DCDC1: variants seen among roughly 807,000 people sequenced by gnomAD.
The protein encoded by DCDC1 is doublecortin domain containing 1.
A neutral mutation model predicts 178.3 loss-of-function variants in DCDC1; 200 were observed. The observed-to-expected ratio is 1.12, with a 90% confidence interval of 1.00 to 1.26. The LOEUF is 1.26. DCDC1 is among the 50% of genes most tolerant of loss of function. DCDC1 has a pLI of 0.00. For synonymous variants in DCDC1, 690 were observed against 604.8 expected, an observed-to-expected ratio of 1.14 and a Z score of -2.07; for missense variants, 1,983 against 1,749.2, an observed-to-expected ratio of 1.13 and a Z score of -2.38.
rs569451369 is a variant in DCDC1 at position 31,258,437 on chromosome 11, TAAAAG to T, written c.1054+7065_1054+7069del. Among the ~76,000 whole-genome samples the T allele has an allele frequency of 6.0e-3, 913 of 152,024 alleles. 11 individuals carry two copies. The highest frequency in any genetic ancestry group is 0.021 in the African/African-American group (876 of 41,464). On this transcript the variant is annotated intron_variant, in intron 8 of 38. Transcript: ENST00000684477. ...CCAGAAAGCAAAAGGAAAGTATTAA[TAAAAG>T]AAAAGAAGAGACTCAATTGTGGCAA...
At position 30,946,327 on chromosome 11, in the gene DCDC1, C is replaced by T. The variant is rs143892155; in HGVS notation, c.2715+6118G>A. Among the ~76,000 whole-genome samples the T allele has an allele frequency of 6.5e-3, 989 of 152,258 alleles. 6 individuals are homozygous for T. Among genetic ancestry groups the T allele is most frequent in the African/African-American group, 0.023 (945 of 41,562 alleles). ...TCGGTGCAATTCAGTCTTTTCTTGGCTCATGCTTGGCCTCCTTGTCTCTCC... is the reference window on the plus strand; with the variant it reads ...TCGGTGCAATTCAGTCTTTTCTTGGTTCATGCTTGGCCTCCTTGTCTCTCC... On this transcript the variant is annotated intron_variant, in intron 21 of 38. Transcript: ENST00000684477.
At chr11:31,038,446 T>C (rs1565208974) in intron 20 of DCDC1, among the ~76,000 whole-genome samples, 2 of 152,184 alleles carry the variant, frequency 1.3e-5, no homozygotes, top group East Asian at 1.9e-4. Context: ...CTTTCATGTT[T>C]AGTAATTTCT....
At chr11:30,938,227 C>G (rs527994263) in intron 21 of DCDC1, among the ~76,000 whole-genome samples, 5 of 152,188 alleles carry the variant, frequency 3.3e-5, no homozygotes, top group Admixed American at 1.3e-4. Flanking sequence ...ATCTCTCTCT[C>G]TCTCTATCAT....
chr11:31,286,801 T>G (rs1475478192), intron 7 of DCDC1, among the ~76,000 whole-genome samples: 3 of 152,072 alleles, frequency 2.0e-5, no homozygotes, highest in Admixed American at 2.0e-4. Context: ...GTCAGGCAAC[T>G]ATACTTTTGC....
At chr11:30,895,202 A>G (rs1320365060) in intron 34 of DCDC1, among the ~76,000 whole-genome samples, 1 of 152,184 alleles carries the variant, frequency 6.6e-6, no homozygotes, top group African/African-American at 2.4e-5. Flanking sequence ...AGCAACAGCT[A>G]TGGGTGAGGT....
chr11:31,233,650 A>T (rs959924184), intron 9 of DCDC1, among the ~76,000 whole-genome samples: 2 of 152,122 alleles, frequency 1.3e-5, no homozygotes, highest in African/African-American at 4.8e-5. Flanking sequence ...GAAGGCAAAC[A>T]GATTGTGAAC....
At chr11:31,033,310 A>G (rs530406155) in intron 20 of DCDC1, among the ~76,000 whole-genome samples, 1 of 152,290 alleles carries the variant, frequency 6.6e-6, no homozygotes, top group African/African-American at 2.4e-5. Flanking sequence ...ACATATAATT[A>G]CATATATATT....
At chr11:31,150,706 T>A (rs993888953) in intron 9 of DCDC1, among the ~76,000 whole-genome samples, 46 of 152,178 alleles carry the variant, frequency 3.0e-4, no homozygotes, top group African/African-American at 1.1e-3. Flanking sequence ...TGTACTTATT[T>A]CTTATCATCT....
chr11:30,958,246 A>G (rs1948881070), intron 20 of DCDC1, among the ~76,000 whole-genome samples: 1 of 152,166 alleles, frequency 6.6e-6, no homozygotes, highest in Admixed American at 6.6e-5. Flanking sequence ...ATGTGGATGG[A>G]TCTATGGGGA....
At chr11:31,084,252 T>C (rs1957350982) in intron 17 of DCDC1, among the ~76,000 whole-genome samples, 1 of 152,166 alleles carries the variant, frequency 6.6e-6, no homozygotes, top group Non-Finnish European at 1.5e-5. Context: ...TTCTAGCATG[T>C]AAAGGCTATG....
intron 20 of DCDC1, among the ~76,000 whole-genome samples, chr11:30,983,517 T>C (rs1488981364): frequency 6.6e-6 from 1 of 152,182 alleles, no homozygotes; most frequent in African/African-American, 2.4e-5. Flanking sequence ...CTGGTTCACA[T>C]TTGCGATCCA....
chr11:31,215,241 G>T, intron 9 of DCDC1: 1 of 209,424 alleles, frequency 4.8e-6, no homozygotes, highest in Non-Finnish European at 1.0e-5. Context: ...GCTTGCCTGG[G>T]CAACATAGTG....
At chr11:31,262,475 A>C (rs1944862257) in intron 8 of DCDC1, 1 of 152,122 alleles carries the variant, frequency 6.6e-6, no homozygotes, top group Admixed American at 6.6e-5. Context: ...GAAAATTTTT[A>C]TTTTGTGTAT....
chr11:31,078,579 G>A (rs1956997144), intron 17 of DCDC1, among the ~76,000 whole-genome samples: 1 of 152,186 alleles, frequency 6.6e-6, no homozygotes, highest in Non-Finnish European at 1.5e-5. Context: ...CAAAGGTTGA[G>A]TATAAGAGGT....
At chr11:31,123,975 C>T (rs1384964411) in intron 11 of DCDC1, among the ~76,000 whole-genome samples, 1 of 152,022 alleles carries the variant, frequency 6.6e-6, no homozygotes, top group Non-Finnish European at 1.5e-5. Flanking sequence ...TAAACAAATA[C>T]AACAACATGG....
At chr11:30,884,862 A>C (rs941841837) in intron 36 of DCDC1, among the ~76,000 whole-genome samples, 4 of 152,088 alleles carry the variant, frequency 2.6e-5, no homozygotes, top group African/African-American at 7.2e-5. Flanking sequence ...AAAGGTGTAA[A>C]TTCTTAGGAA....
intron 15 of DCDC1, among the ~76,000 whole-genome samples, chr11:31,099,937 T>G (rs1380250084): frequency 6.6e-6 from 1 of 152,128 alleles, no homozygotes; most frequent in Non-Finnish European, 1.5e-5. Flanking sequence ...CAGGATGGTC[T>G]CAATCTCCTG....
At chr11:31,315,646 CTTTTTTT>C (rs59083470) in intron 3 of DCDC1, among the ~76,000 whole-genome samples, 9 of 112,428 alleles carry the variant, frequency 8.0e-5, no homozygotes, top group Non-Finnish European at 1.4e-4. Flanking sequence ...ATCTGCATAC[CTTTTTTT>C]TTTTTTTTTT....
At chr11:31,183,162 A>C (rs1006567608) in intron 9 of DCDC1, among the ~76,000 whole-genome samples, 3 of 152,204 alleles carry the variant, frequency 2.0e-5, no homozygotes, top group Non-Finnish European at 4.4e-5. Context: ...GAGAGATTTA[A>C]CACCCCAATG....
Sources: allele counts gnomAD v4.1 joint callset (sites outside exome capture counted in the v4.1 genomes callset), GRCh38; gene constraint gnomAD v4.1.1; transcripts MANE v1.5; gene names NCBI Gene and HGNC (gene_info 2026-07-23, HGNC 2026-07-21).